ZNF135: variants seen among roughly 807,000 people sequenced by gnomAD.
ZNF135 encodes zinc finger protein 135 (clone pHZ-17).
A neutral mutation model predicts 12.3 loss-of-function variants in ZNF135; 11 were observed. That is an observed-to-expected ratio of 0.89 (90% confidence interval 0.56 to 1.48). The LOEUF (loss-of-function observed/expected upper bound fraction) is 1.48. ZNF135 is among the 40% of genes most tolerant of loss of function. The probability of loss-of-function intolerance (pLI) is 0.00; values close to 1 mark genes in which losing one functional copy is unlikely to be tolerated. For synonymous variants in ZNF135, 316 were observed against 312.0 expected, an observed-to-expected ratio of 1.01 and a Z score of -0.14; for missense variants, 722 against 815.7, an observed-to-expected ratio of 0.89 and a Z score of 1.40.
Position 58,066,730 on chromosome 19 carries a change from G to T in ZNF135, c.257-11G>T. On this transcript the variant is annotated splice_polypyrimidine_tract_variant and intron_variant, in intron 4 of 4. Transcript: ENST00000313434. ...AGATTAAGGGACATTTCCAGTTTTT[G>T]CTTCTTTCAGACTTGGAAACTAGAC... 2.5e-6 allele frequency: 4 copies of T among 1,611,928 alleles called. No homozygotes were observed. Among genetic ancestry groups the T allele is most frequent in the South Asian group, 1.1e-5 (1 of 90,686 alleles).
At position 58,067,415 on chromosome 19, in the gene ZNF135, T is replaced by C. The variant is rs780608808; in HGVS notation, c.931T>C (p.Ser311Pro). 1 of 1,613,420 alleles carries C rather than the reference T, an allele frequency of 6.2e-7. No individual in the cohort carries two copies. The highest frequency in any genetic ancestry group is 1.1e-5 in the South Asian group (1 of 91,042). ...ATGTGGGAAATCCTTCAGTTTTAGGTCCTCCTTCAGCCAGCACGAGCGAAC... is the reference window on the plus strand; with the variant it reads ...ATGTGGGAAATCCTTCAGTTTTAGGCCCTCCTTCAGCCAGCACGAGCGAAC... ...SECGKSFSFR[S>P]SFSQHERTHT... Residue 311 changes from serine to proline, a missense_variant, in exon 5 of 5, where the codon TCC (serine) becomes CCC (proline). Ser to Pro is a moderately conservative substitution (Grantham distance 74). Coordinates refer to ENST00000313434, the MANE Select transcript of ZNF135 (RefSeq NM_001289401.2).
chr19:58,064,716 C>A (rs1468367417), intron 4 of ZNF135, among the ~76,000 whole-genome samples: 79 of 130,604 alleles, frequency 6.0e-4, no homozygotes, highest in Non-Finnish European at 6.4e-4. Context: ...CCCGTCTCTA[C>A]AAAAAAAAAA....
In ZNF135 at chr19:58,059,690, C is replaced by T. The variant is rs1401593882; in HGVS notation, c.-34-279C>T. Reference sequence around the variant, plus strand: ...GTGCCCAGGGCCAGGGGACCGCAACCACCCGGCCCTTGTCACTGTAGCGTT... The same window carrying T: ...GTGCCCAGGGCCAGGGGACCGCAACTACCCGGCCCTTGTCACTGTAGCGTT... On this transcript the variant is annotated intron_variant, in intron 1 of 4. Transcript: ENST00000313434. This position sits in a 1 kb window ranked among gnomAD's most constrained non-coding sequence, Gnocchi z 6.5. 2 of 533,336 alleles carry T rather than the reference C, an allele frequency of 3.7e-6. No homozygotes were observed. The highest frequency in any genetic ancestry group is 6.6e-6 in the Non-Finnish European group (2 of 304,690). 33.0% of individuals were successfully genotyped at this position (533,336 alleles called of 1,614,324 possible).
chr19:58,061,143 C>A (rs1382751207), intron 2 of ZNF135, among the ~76,000 whole-genome samples: 5 of 137,258 alleles, frequency 3.6e-5, no homozygotes, highest in Admixed American at 2.1e-4. Flanking sequence ...AAAAAAAAAA[C>A]CACCCAGATT....
chr19:58,060,221 C>T lies in ZNF135; in HGVS notation c.33+186C>T. On this transcript the variant is annotated intron_variant, in intron 2 of 4. Coordinates refer to ENST00000313434, the MANE Select transcript of ZNF135 (RefSeq NM_001289401.2). The surrounding 1 kb of genome is among the most constrained non-coding windows in gnomAD (Gnocchi z 4.9). ...CCCGGCCTCTACTCGCACAACTGGC[C>T]TCTACTCGCGCACCTGGCCTCTACT... 1.4e-6 allele frequency: 2 copies of T among 1,449,502 alleles called. No individual in the cohort carries two copies. Among genetic ancestry groups the T allele is most frequent in the African/African-American group, 2.8e-5 (2 of 71,136 alleles). 89.8% of individuals were successfully genotyped at this position (1,449,502 alleles called of 1,614,324 possible). A position where few individuals can be genotyped will look rare whatever the true frequency, so the allele number is the denominator to read the frequency against.
chr19:58,063,701 C>A lies in ZNF135; in HGVS notation c.256+160C>A. On this transcript the variant is annotated intron_variant, in intron 4 of 4. Transcript: ENST00000313434. The surrounding 1 kb of genome is among the most constrained non-coding windows in gnomAD (Gnocchi z 4.4). ...TTTGCTGTGAGTGACGACACCACGTCCTCATCTCCACTGAATTTATATTCT... is the reference window on the plus strand; with the variant it reads ...TTTGCTGTGAGTGACGACACCACGTACTCATCTCCACTGAATTTATATTCT... 2.8e-6 allele frequency: 4 copies of A among 1,414,256 alleles called. No individual in the cohort carries two copies. The highest frequency in any genetic ancestry group is 3.7e-6 in the Non-Finnish European group (4 of 1,082,848). The allele number at this position is 1,414,256 out of a possible 1,614,324, so 87.6% of individuals were successfully genotyped here.
chr19:58,067,312 G>T lies in ZNF135; in HGVS notation c.828G>T (p.Gly276=). The change falls in exon 5 of 5, where the codon GGG becomes GGT. Residue 276 remains glycine, a synonymous_variant. Transcript: ENST00000313434. ...AACCCTATAAATGCACTCAGTGTGG[G>T]AGGACCTTCAACCAAATTGCCCCAC... ...GEKPYKCTQC[G]RTFNQIAPLI... 6.2e-7 allele frequency: 1 copy of T among 1,613,874 alleles called. No homozygotes were observed. Among genetic ancestry groups the T allele is most frequent in the African/African-American group, 1.3e-5 (1 of 74,912 alleles).
At position 58,066,976 on chromosome 19, in the gene ZNF135, GT is replaced by G. The variant is rs749530820; in HGVS notation, c.495del (p.Phe165LeufsTer5). The G allele has an allele frequency of 6.2e-7, 1 of 1,614,204 alleles. No individual in the cohort carries two copies. The highest frequency in any genetic ancestry group is 8.5e-7 in the Non-Finnish European group (1 of 1,180,034). Reference protein sequence around the residue: ...PVLEQWQRNGFGENISLNPDL... With the variant: ...PVLEQWQRNGXGENISLNPDL... ...TTCTGGAGCAGTGGCAGAGGAATGG[GT>G]TTGGGGAAAACATAAGTCTGAACCC... On this transcript the variant is annotated frameshift_variant, in exon 5 of 5. Transcript: ENST00000313434. LOFTEE classifies it low-confidence loss of function (END_TRUNC).
Position 58,059,403 on chromosome 19 carries a change from C to A in ZNF135, c.-35+93C>A. 2 of 940,304 alleles carry A rather than the reference C, an allele frequency of 2.1e-6. No individual in the cohort carries two copies. The highest frequency in any genetic ancestry group is 2.9e-6 in the Non-Finnish European group (2 of 685,098). The allele number at this position is 940,304 out of a possible 1,614,324, so 58.2% of individuals were successfully genotyped here. ...TCCGGGGATCTTCCTGAGGCCCTGG[C>A]GGGGCGAGTTTCCAGCAGCGCGCGT... On this transcript the variant is annotated intron_variant, in intron 1 of 4. Coordinates refer to ENST00000313434, the MANE Select transcript of ZNF135 (RefSeq NM_001289401.2). The surrounding 1 kb of genome is among the most constrained non-coding windows in gnomAD (Gnocchi z 6.5).
Position 58,067,402 on chromosome 19 carries a change from C to T in ZNF135, c.918C>T (p.Ser306=). 1 of 1,614,088 alleles carries T rather than the reference C, an allele frequency of 6.2e-7. No individual in the cohort carries two copies. The highest frequency in any genetic ancestry group is 8.5e-7 in the Non-Finnish European group (1 of 1,179,964). ...ATGAATGCAGCGAATGTGGGAAATC[C>T]TTCAGTTTTAGGTCCTCCTTCAGCC... ...KPYECSECGK[S]FSFRSSFSQH... is the part of the protein sequence containing the mutation. Residue 306 remains serine, a synonymous_variant, in exon 5 of 5, where the codon TCC becomes TCT. Coordinates refer to ENST00000313434, the MANE Select transcript of ZNF135 (RefSeq NM_001289401.2).
chr19:58,059,361 G>T lies in ZNF135; in HGVS notation c.-35+51G>T. On this transcript the variant is annotated intron_variant, in intron 1 of 4. Transcript: ENST00000313434. This position sits in a 1 kb window ranked among gnomAD's most constrained non-coding sequence, Gnocchi z 6.5. ...AGGGGAGGCCAGGCCGGGCCGGGCC[G>T]GGCCGGGTGCGGGGGGTCCGGGGAT... is the stretch of plus-strand genomic sequence containing the variant. 1 of 1,135,478 alleles carries T rather than the reference G, an allele frequency of 8.8e-7. No homozygotes were observed. Among genetic ancestry groups the T allele is most frequent in the South Asian group, 1.7e-5 (1 of 59,654 alleles). 70.3% of individuals were successfully genotyped at this position (1,135,478 alleles called of 1,614,324 possible).
rs147274138 is a variant in ZNF135 at position 58,068,062 on chromosome 19, G to C, written c.1578G>C (p.Gln526His). ...GGGAGAAGCCCTACGAATGCAACCAGTGTGGCAGAGCCTTCAGCCAGCTTG... is the reference window on the plus strand; with the variant it reads ...GGGAGAAGCCCTACGAATGCAACCACTGTGGCAGAGCCTTCAGCCAGCTTG... ...HTGEKPYECN[Q>H]CGRAFSQLAP... Residue 526 changes from glutamine (Q) to histidine (H), a missense_variant, in exon 5 of 5, where the codon CAG (glutamine) becomes CAC (histidine). Gln to His is a conservative substitution (Grantham distance 24). Transcript: ENST00000313434. 2 of 1,613,938 alleles carry C rather than the reference G, an allele frequency of 1.2e-6. No individual in the cohort carries two copies. Among genetic ancestry groups the C allele is most frequent in the African/African-American group, 2.7e-5 (2 of 74,878 alleles).
In ZNF135 at chr19:58,060,193, G is replaced by C. The variant is rs1358247620; in HGVS notation, c.33+158G>C. ...CTACTTGCGTGCCCGGCCCCTACTC[G>C]TGCCCGGCCTCTACTCGCACAACTG... On this transcript the variant is annotated intron_variant, in intron 2 of 4. Coordinates refer to ENST00000313434, the MANE Select transcript of ZNF135 (RefSeq NM_001289401.2). The surrounding 1 kb of genome is among the most constrained non-coding windows in gnomAD (Gnocchi z 4.9). The C allele has an allele frequency of 2.0e-6, 3 of 1,498,312 alleles. No homozygotes were observed. The highest frequency in any genetic ancestry group is 1.4e-5 in the African/African-American group (1 of 71,976). The allele number at this position is 1,498,312 out of a possible 1,614,324, so 92.8% of individuals were successfully genotyped here.
Position 58,068,487 on chromosome 19 carries a change from TAGG to T in ZNF135, c.*28_*30del. 1.2e-6 allele frequency: 2 copies of T among 1,604,912 alleles called. No individual in the cohort carries two copies. Among genetic ancestry groups the T allele is most frequent in the Non-Finnish European group, 8.5e-7 (1 of 1,175,138 alleles). On this transcript the variant is annotated 3_prime_UTR_variant, in exon 5 of 5. Transcript: ENST00000313434. The stretch of plus-strand genomic sequence containing the variant: ...ACCCACTCCACATGTGCTGGGGACA[TAGG>T]AAGACCTTAAGCCATAGCTCATCCC...
Position 58,068,768 on chromosome 19 carries a change from A to T in ZNF135, c.*307A>T, listed in dbSNP as rs1358362154. The T allele has an allele frequency of 3.8e-6, 1 of 264,946 alleles. No individual in the cohort carries two copies. Among genetic ancestry groups the T allele is most frequent in the Non-Finnish European group, 7.2e-6 (1 of 138,070 alleles). The allele number at this position is 264,946 out of a possible 1,614,324, so 16.4% of individuals were successfully genotyped here. On this transcript the variant is annotated 3_prime_UTR_variant, in exon 5 of 5. Transcript: ENST00000313434. ...AACCTACAAAAAAGAAATGGAACAA[A>T]TGTAGTGGATCCAGGGAACGCTTTT...
intron 2 of ZNF135, among the ~76,000 whole-genome samples, chr19:58,061,085 G>GCA (rs2073971278): frequency 6.6e-6 from 1 of 151,740 alleles, no homozygotes; most frequent in South Asian, 2.1e-4. Flanking sequence ...CCAAGATCAT[G>GCA]CCACTGCACT....
At position 58,068,206 on chromosome 19, in the gene ZNF135, G is replaced by A; in HGVS notation, c.1722G>A (p.Lys574=). ...TCGAACACCAGAGGATTCACACCAA[G>A]GAAAAGCCGTATGGGTGCAATGAGT... ...LLIEHQRIHT[K]EKPYGCNECG... The change falls in exon 5 of 5, where the codon AAG becomes AAA. Residue 574 remains lysine (K), a synonymous_variant. Transcript: ENST00000313434. 1.9e-6 allele frequency: 3 copies of A among 1,611,490 alleles called. No individual in the cohort carries two copies. The highest frequency in any genetic ancestry group is 2.2e-5 in the South Asian group (2 of 90,872).
rs112493937 is a variant in ZNF135 at position 58,059,639 on chromosome 19, T to A, written c.-35+329T>A. The stretch of plus-strand genomic sequence containing the variant: ...CCGGGCACTGGGCCGCCACCTTTGT[T>A]GATGGAAGAGAGAAACTGAGGCATA... On this transcript the variant is annotated intron_variant, in intron 1 of 4. Transcript: ENST00000313434. This position sits in a 1 kb window ranked among gnomAD's most constrained non-coding sequence, Gnocchi z 6.5. 3.6e-5 allele frequency: 18 copies of A among 505,966 alleles called. No individual in the cohort carries two copies. Among genetic ancestry groups the A allele is most frequent in the Middle Eastern group, 5.2e-4 (1 of 1,912 alleles). 31.3% of individuals were successfully genotyped at this position (505,966 alleles called of 1,614,324 possible). A position where few individuals can be genotyped will look rare whatever the true frequency, so the allele number is the denominator to read the frequency against.
chr19:58,063,032 C>G lies in ZNF135; in HGVS notation c.161-414C>G, dbSNP rs1282574085. 2.6e-5 allele frequency among the ~76,000 whole-genome samples: 4 copies of G among 152,176 alleles called. No individual in the cohort carries two copies. The highest frequency in any genetic ancestry group is 5.9e-5 in the Non-Finnish European group (4 of 68,026). ...ACCAACATTCAGACCATAGCAATCTCTTTCTGGCTTCATTTCCAGAGAGGC... is the reference window on the plus strand; with the variant it reads ...ACCAACATTCAGACCATAGCAATCTGTTTCTGGCTTCATTTCCAGAGAGGC... On this transcript the variant is annotated intron_variant, in intron 3 of 4. Coordinates refer to ENST00000313434, the MANE Select transcript of ZNF135 (RefSeq NM_001289401.2). The surrounding 1 kb of genome is among the most constrained non-coding windows in gnomAD (Gnocchi z 4.4).
Sources: gnomAD v4.1 joint callset for allele counts (sites outside exome capture counted in the v4.1 genomes callset) on GRCh38, gnomAD v4.1.1 for gene constraint, Gnocchi (gnomAD v3.1) non-coding constraint, MANE v1.5 for transcripts, NCBI Gene and HGNC (gene_info 2026-07-23, HGNC 2026-07-21) for gene names.